KHDRBS2: variants seen among roughly 807,000 people sequenced by gnomAD.
KHDRBS2 encodes the protein KH domain-containing, RNA-binding, signal transduction-associated protein 2.
A neutral mutation model predicts 44.3 loss-of-function variants in KHDRBS2; 26 were observed. The observed-to-expected ratio is 0.59, with a 90% CI of 0.43 to 0.81. The LOEUF is 0.81. Among genes scored for constraint, KHDRBS2 ranks in the 40% least tolerant of loss-of-function variants. The pLI, the probability that KHDRBS2 is intolerant of heterozygous loss-of-function variation, is 0.00. For missense variants in KHDRBS2, 476 were observed against 433.1 expected (o/e 1.10, Z -0.88); for synonymous variants, 194 against 151.1 (o/e 1.28, Z -2.08).
At chr6:61,993,671 A>AT (rs1227455987) in intron 3 of KHDRBS2, among the ~76,000 whole-genome samples, 39 of 121,866 alleles carry the variant, frequency 3.2e-4, no homozygotes, top group Middle Eastern at 3.8e-3. Context: ...ATATATATAT[A>AT]TATTTTTTTT....
intron 6 of KHDRBS2, among the ~76,000 whole-genome samples, chr6:61,836,009 T>C (rs1181476447): frequency 1.3e-5 from 2 of 151,960 alleles, no homozygotes; most frequent in Admixed American, 1.3e-4. Context: ...TATGTCAACC[T>C]GCTCTCCTTA....
intron 7 of KHDRBS2, among the ~76,000 whole-genome samples, chr6:61,717,371 T>C (rs1464832816): frequency 3.3e-5 from 5 of 152,038 alleles, no homozygotes; most frequent in African/African-American, 1.2e-4. Context: ...AAAAACAGTG[T>C]TTATTGAGAG....
At chr6:62,017,876 A>G (rs1433103577) in intron 3 of KHDRBS2, among the ~76,000 whole-genome samples, 2 of 152,100 alleles carry the variant, frequency 1.3e-5, no homozygotes, top group Non-Finnish European at 2.9e-5. Flanking sequence ...TGTGGAGAAC[A>G]AAGAGCAATT....
intron 6 of KHDRBS2, among the ~76,000 whole-genome samples, chr6:61,820,490 A>G (rs1789725339): frequency 6.6e-6 from 1 of 152,036 alleles, no homozygotes; most frequent in Non-Finnish European, 1.5e-5. Flanking sequence ...CTGAGGTTAT[A>G]GAACAGAAAT....
intron 3 of KHDRBS2, among the ~76,000 whole-genome samples, chr6:62,043,762 A>G (rs1787063638): frequency 6.6e-6 from 1 of 152,094 alleles, no homozygotes; most frequent in African/African-American, 2.4e-5. Context: ...ATTAGATACC[A>G]CTAGAATTAT....
the KHDRBS2 span, among the ~76,000 whole-genome samples, chr6:61,558,630 A>G: frequency 6.6e-6 from 1 of 152,058 alleles, no homozygotes; most frequent in Admixed American, 6.6e-5. Context: ...ATTATTATTT[A>G]TTTCAAGAAA....
At chr6:61,948,887 T>C (rs1328284653) in intron 4 of KHDRBS2, among the ~76,000 whole-genome samples, 8 of 151,896 alleles carry the variant, frequency 5.3e-5, no homozygotes, top group Admixed American at 1.3e-4. Context: ...AACAATGTGA[T>C]AAAGCCTTTA....
At chr6:61,581,895 T>TA in the KHDRBS2 span, among the ~76,000 whole-genome samples, 3,686 of 151,536 alleles carry the variant, frequency 0.024, 69 homozygotes, top group Middle Eastern at 0.085. Context: ...TTTAAAAACT[T>TA]ACAAGAAAAA....
At chr6:61,925,725 C>CAAAAAAA (rs563177938) in intron 4 of KHDRBS2, among the ~76,000 whole-genome samples, 2 of 89,222 alleles carry the variant, frequency 2.2e-5, no homozygotes, top group Non-Finnish European at 4.7e-5. Context: ...CTCTCTCTCT[C>CAAAAAAA]AAAAAAAAAA....
the KHDRBS2 span, among the ~76,000 whole-genome samples, chr6:61,574,102 G>T: frequency 6.6e-6 from 1 of 152,052 alleles, no homozygotes; most frequent in Non-Finnish European, 1.5e-5. Context: ...AAATGAAACT[G>T]TATTACTCCT....
intron 3 of KHDRBS2, among the ~76,000 whole-genome samples, chr6:62,022,444 T>C (rs992563011): frequency 3.3e-5 from 5 of 151,722 alleles, no homozygotes; most frequent in Non-Finnish European, 7.4e-5. Context: ...TGTGTTTCAA[T>C]TTCTCAGTAA....
chr6:62,255,175 C>A (rs1433864463), intron 1 of KHDRBS2, among the ~76,000 whole-genome samples: 1 of 151,980 alleles, frequency 6.6e-6, no homozygotes, highest in Non-Finnish European at 1.5e-5. Flanking sequence ...TCCTTAACAT[C>A]CATCCTTGGA....
Position 62,096,475 on chromosome 6 carries a change from T to C in KHDRBS2, c.220-48481A>G, listed in dbSNP as rs115680064. Among the ~76,000 whole-genome samples, 378 of 152,068 alleles carry C rather than the reference T, an allele frequency of 2.5e-3. 3 individuals carry two copies. The highest frequency in any genetic ancestry group is 8.3e-3 in the African/African-American group (346 of 41,560). On this transcript the variant is annotated intron_variant, in intron 2 of 8. Coordinates refer to ENST00000281156, the MANE Select transcript of KHDRBS2 (RefSeq NM_152688.4). Reference sequence around the variant, plus strand: ...TCAGCTCTATGTGTCCAGGAACTTATGCATTTCTTCTAGCTTTTCCAATAT... The same window carrying C: ...TCAGCTCTATGTGTCCAGGAACTTACGCATTTCTTCTAGCTTTTCCAATAT...
At chr6:61,627,625 A>G in the KHDRBS2 span, among the ~76,000 whole-genome samples, 3 of 152,312 alleles carry the variant, frequency 2.0e-5, no homozygotes, top group African/African-American at 2.4e-5. Context: ...TGAAGCCCCA[A>G]TAAAAACTCA....
chr6:62,087,081 C>A lies in KHDRBS2; in HGVS notation c.220-39087G>T, dbSNP rs139061999. 7.2e-5 allele frequency among the ~76,000 whole-genome samples: 11 copies of A among 152,082 alleles called. No individual in the cohort carries two copies. The East Asian group carries it at 1.7e-3, about 24-fold the overall frequency. On this transcript the variant is annotated intron_variant, in intron 2 of 8. Transcript: ENST00000281156. ...TGTAAATTTATAAGACATGTATGAA[C>A]CTTGTCTCTTTCTAGAAGATTCAGA...
chr6:62,134,124 T>C (rs1181060001), intron 2 of KHDRBS2, among the ~76,000 whole-genome samples: 1 of 152,140 alleles, frequency 6.6e-6, no homozygotes, highest in African/African-American at 2.4e-5. Flanking sequence ...TCAGAGACCT[T>C]TCCAGCAGCA....
rs1162417743 is a variant in KHDRBS2 at position 62,255,648 on chromosome 6, AC to A, written c.91+30209del. 1.5e-3 allele frequency among the ~76,000 whole-genome samples: 213 copies of A among 140,228 alleles called. 1 individual carries two copies. The highest frequency in any genetic ancestry group is 5.4e-3 in the African/African-American group (206 of 37,810). 92.0% of individuals were successfully genotyped at this position (140,228 alleles called of 152,430 possible). A position where few individuals can be genotyped will look rare whatever the true frequency, so the allele number is the denominator to read the frequency against. ...CACACACACACACACACACACACAC[AC>A]ACACACAATGTAGAAATAGTTGTTG... On this transcript the variant is annotated intron_variant, in intron 1 of 8. Coordinates refer to ENST00000281156, the MANE Select transcript of KHDRBS2 (RefSeq NM_152688.4).
At chr6:62,002,639 T>G (rs1316220712) in intron 3 of KHDRBS2, among the ~76,000 whole-genome samples, 1 of 151,232 alleles carries the variant, frequency 6.6e-6, no homozygotes, top group Non-Finnish European at 1.5e-5. Context: ...TAAAAATCAT[T>G]ATAATTATTT....
At chr6:61,931,927 G>A (rs143935556) in intron 4 of KHDRBS2, among the ~76,000 whole-genome samples, 2 of 152,016 alleles carry the variant, frequency 1.3e-5, no homozygotes, top group South Asian at 2.1e-4. Context: ...TTTTTATAAT[G>A]ATCCATTTCC....
Sources: gnomAD v4.1 joint callset for allele counts (sites outside exome capture counted in the v4.1 genomes callset) on GRCh38, gnomAD v4.1.1 for gene constraint, MANE v1.5 for transcripts, NCBI Gene and HGNC (gene_info 2026-07-23, HGNC 2026-07-21) for gene names.